IL23R: variants seen among roughly 807,000 people sequenced by gnomAD.
The protein encoded by IL23R is interleukin 23 receptor.
IL23R carries 34 observed loss-of-function variants against 56.9 expected under a neutral mutation model. The observed-to-expected ratio is 0.60, with a 90% CI of 0.45 to 0.80. The LOEUF is 0.80. Among genes scored for constraint, IL23R ranks in the 30% least tolerant of loss-of-function variants. The pLI is 0.00. For synonymous variants in IL23R, 230 were observed against 249.2 expected (o/e 0.92, Z 0.73); for missense variants, 635 against 730.0 (o/e 0.87, Z 1.50).
chr1:67,230,658 T>C (rs1401190097), intron 7 of IL23R, among the ~76,000 whole-genome samples: 1 of 152,200 alleles, frequency 6.6e-6, no homozygotes, highest in Non-Finnish European at 1.5e-5. Flanking sequence ...CCCTTGAATA[T>C]GTCTGTGTGT....
At chr1:67,237,105 C>T (rs1036120300) in intron 8 of IL23R, among the ~76,000 whole-genome samples, 7 of 152,062 alleles carry the variant, frequency 4.6e-5, no homozygotes, top group Non-Finnish European at 8.8e-5. Flanking sequence ...TGCAATGGTG[C>T]AATCTCGGCT....
chr1:67,187,137 A>G (rs1647397588), intron 4 of IL23R, among the ~76,000 whole-genome samples: 1 of 152,108 alleles, frequency 6.6e-6, no homozygotes, highest in Non-Finnish European at 1.5e-5. Flanking sequence ...TCTATGTTTA[A>G]TCTTTTGTTC....
chr1:67,181,523 T>C (rs950306784), intron 3 of IL23R, among the ~76,000 whole-genome samples: 11 of 152,198 alleles, frequency 7.2e-5, no homozygotes, highest in Non-Finnish European at 8.8e-5. Context: ...TTATTCTAGT[T>C]AGCCATCCGT....
At chr1:67,181,338 A>G (rs957862219) in intron 3 of IL23R, among the ~76,000 whole-genome samples, 1 of 152,010 alleles carries the variant, frequency 6.6e-6, no homozygotes, top group African/African-American at 2.4e-5. Flanking sequence ...ATTTCTTTTT[A>G]TTCTTTTTCC....
chr1:67,256,042 T>C, intron 10 of IL23R, 115 bp downstream of exon 10: 1 of 662,482 alleles, frequency 1.5e-6, no homozygotes, highest in South Asian at 1.7e-5. Context: ...ATTAACATAA[T>C]TATATAGACA....
At chr1:67,200,201 G>A (rs866335226) in intron 4 of IL23R, among the ~76,000 whole-genome samples, 3 of 151,592 alleles carry the variant, frequency 2.0e-5, no homozygotes, top group Admixed American at 1.3e-4. Flanking sequence ...CACCACGCCC[G>A]GCTAATTTCT....
At position 67,259,496 on chromosome 1, in the gene IL23R, T is replaced by A. The variant is rs1300405558; in HGVS notation, c.*368T>A. On this transcript the variant is annotated 3_prime_UTR_variant, in exon 11 of 11. Coordinates refer to ENST00000347310, the MANE Select transcript of IL23R (RefSeq NM_144701.3). ...GTGGAACATGCTTCATGGTCACACA[T>A]ACAGGCACAAAAACAGCATTATGTG... is the stretch of plus-strand genomic sequence containing the variant. 1 of 300,244 alleles carries A rather than the reference T, an allele frequency of 3.3e-6. No homozygotes were observed. The highest frequency in any genetic ancestry group is 6.3e-6 in the Non-Finnish European group (1 of 158,024). 18.6% of individuals were successfully genotyped at this position (300,244 alleles called of 1,614,324 possible). A position where few individuals can be genotyped will look rare whatever the true frequency, so the allele number is the denominator to read the frequency against.
At chr1:67,174,277 G>T (rs1184759126) in intron 3 of IL23R, among the ~76,000 whole-genome samples, 1 of 151,668 alleles carries the variant, frequency 6.6e-6, no homozygotes, top group Non-Finnish European at 1.5e-5. Context: ...CACCAGAAGT[G>T]TGTTAGAGGA....
chr1:67,205,873 A>ATCTTTCTTTCTT (rs200498214), intron 5 of IL23R, among the ~76,000 whole-genome samples: 1,573 of 139,108 alleles, frequency 0.011, 28 homozygotes, highest in African/African-American at 0.029. Context: ...TTGAACATCC[A>ATCTTTCTTTCTT]TCTTTCTTTC....
At chr1:67,153,853 C>T (rs1237433010) in intron 1 of IL23R, among the ~76,000 whole-genome samples, 1 of 152,044 alleles carries the variant, frequency 6.6e-6, no homozygotes. Context: ...GCAAGCTCCG[C>T]CTCCCAGGTT....
chr1:67,141,008 G>T (rs1646631966), intron 1 of IL23R, among the ~76,000 whole-genome samples: 1 of 151,892 alleles, frequency 6.6e-6, no homozygotes, highest in South Asian at 2.1e-4. Flanking sequence ...AGATTTTCTT[G>T]TCAAAATTTT....
chr1:67,236,759 T>G lies in IL23R; in HGVS notation c.1002T>G (p.Ser334=), dbSNP rs763456765. ...SKAFQHDTWN[S]GLTVASISTG... ...CATTCCAACATGACACATGGAATTC[T>G]GGGCTAACAGTTGCTTCCATCTCTA... is the stretch of plus-strand genomic sequence containing the variant. The change falls in exon 8 of 11, where the codon TCT becomes TCG. Residue 334 remains serine (S), a synonymous_variant. Transcript: ENST00000347310. The G allele has an allele frequency of 1.2e-6, 2 of 1,613,832 alleles. No homozygotes were observed. Among genetic ancestry groups the G allele is most frequent in the Non-Finnish European group, 1.7e-6 (2 of 1,179,702 alleles).
chr1:67,175,927 G>A (rs1037420951), intron 3 of IL23R, among the ~76,000 whole-genome samples: 1 of 152,088 alleles, frequency 6.6e-6, no homozygotes, highest in Non-Finnish European at 1.5e-5. Context: ...TAGGCTCCAG[G>A]AATCCTTCCA....
At chr1:67,211,032 C>T (rs927685547) in intron 6 of IL23R, among the ~76,000 whole-genome samples, 1 of 152,088 alleles carries the variant, frequency 6.6e-6, no homozygotes, top group Non-Finnish European at 1.5e-5. Flanking sequence ...AAAAATTACT[C>T]ATTAAAAGTA....
intron 5 of IL23R, among the ~76,000 whole-genome samples, chr1:67,204,641 G>T (rs1328859714): frequency 1.3e-5 from 2 of 152,108 alleles, no homozygotes; most frequent in Non-Finnish European, 2.9e-5. Flanking sequence ...TGGCCAAGCC[G>T]AACTCAGAGG....
intron 1 of IL23R, among the ~76,000 whole-genome samples, chr1:67,157,298 A>T (rs911874138): frequency 6.6e-6 from 1 of 151,966 alleles, no homozygotes; most frequent in African/African-American, 2.4e-5. Flanking sequence ...CAAATTATTC[A>T]TTTCCTTCCC....
chr1:67,249,011 C>G (rs986006530), intron 9 of IL23R, among the ~76,000 whole-genome samples: 6 of 152,184 alleles, frequency 3.9e-5, no homozygotes, highest in Non-Finnish European at 7.4e-5. Context: ...CAACCAGTCC[C>G]AATGGGATGA....
intron 1 of IL23R, among the ~76,000 whole-genome samples, chr1:67,141,399 C>G (rs9729046): frequency 0.34 from 51,893 of 151,674 alleles, 9,080 homozygotes; most frequent in Admixed American, 0.47. Context: ...TCTTGTGAGA[C>G]TGGAAAAGTC....
At chr1:67,213,256 G>A (rs1461480125) in intron 6 of IL23R, among the ~76,000 whole-genome samples, 1 of 152,144 alleles carries the variant, frequency 6.6e-6, no homozygotes, top group African/African-American at 2.4e-5. Context: ...TCATGTGTTT[G>A]TTGTGGGAAA....
Sources: allele counts gnomAD v4.1 joint callset (sites outside exome capture counted in the v4.1 genomes callset), GRCh38; gene constraint gnomAD v4.1.1; transcripts MANE v1.5; gene names NCBI Gene and HGNC (gene_info 2026-07-23, HGNC 2026-07-21).